DENND1A: variants seen among roughly 807,000 people sequenced by gnomAD.
DENND1A encodes the protein DENN domain-containing protein 1A.
In DENND1A, 51 loss-of-function variants were observed where a neutral mutation model predicts 113.7. That is an observed-to-expected ratio of 0.45 (90% CI 0.36 to 0.57). The LOEUF (loss-of-function observed/expected upper bound fraction) is 0.57, where lower values mean the gene tolerates loss of function less well. Ranked by LOEUF, DENND1A falls within the 20% of genes least tolerant of loss-of-function variation. The probability of loss-of-function intolerance (pLI) is 0.00; values close to 1 mark genes in which losing one functional copy is unlikely to be tolerated. For missense variants in DENND1A, 1,258 were observed against 1,395.9 expected (o/e 0.90, Z 1.57); for synonymous variants, 565 against 570.8 (o/e 0.99, Z 0.14).
intron 19 of DENND1A, among the ~76,000 whole-genome samples, chr9:123,412,801 G>A (rs1017095276): frequency 1.2e-4 from 19 of 152,150 alleles, no homozygotes; most frequent in African/African-American, 3.4e-4. Context: ...GGAGGCTTCC[G>A]GTTGTTTCCT....
At chr9:123,462,492 G>C (rs1418012322) in intron 13 of DENND1A, among the ~76,000 whole-genome samples, 3 of 152,146 alleles carry the variant, frequency 2.0e-5, no homozygotes, top group Non-Finnish European at 1.5e-5. Flanking sequence ...GGACAGGAGA[G>C]TTCTCTTTAA....
intron 10 of DENND1A, among the ~76,000 whole-genome samples, chr9:123,629,539 T>C (rs1326873291): frequency 2.0e-5 from 3 of 152,244 alleles, no homozygotes; most frequent in Non-Finnish European, 2.9e-5. Flanking sequence ...GGTCCTTTCA[T>C]ATGTTATCTT....
intron 13 of DENND1A, among the ~76,000 whole-genome samples, chr9:123,512,072 C>T (rs762436516): frequency 1.3e-5 from 2 of 152,136 alleles, no homozygotes; most frequent in Non-Finnish European, 2.9e-5. Flanking sequence ...AAGCTCCAAA[C>T]AAGAACCAGC....
chr9:123,753,352 AG>A (rs1449587572), intron 5 of DENND1A, among the ~76,000 whole-genome samples: 1 of 152,246 alleles, frequency 6.6e-6, no homozygotes, highest in Non-Finnish European at 1.5e-5. Flanking sequence ...CCTAATAAGT[AG>A]GTTATGTTGC....
At chr9:123,404,451 C>T (rs71511573) in intron 20 of DENND1A, among the ~76,000 whole-genome samples, 16,970 of 152,286 alleles carry the variant, frequency 0.11, 1,089 homozygotes, top group African/African-American at 0.17. Context: ...TAAAAACAAC[C>T]GAGCCTGCCG....
chr9:123,434,434 A>G (rs920527840), intron 19 of DENND1A, among the ~76,000 whole-genome samples: 2 of 152,266 alleles, frequency 1.3e-5, no homozygotes, highest in African/African-American at 4.8e-5. Flanking sequence ...AAGCATAGCA[A>G]CAGAAATGAA....
In DENND1A at chr9:123,658,486, G is replaced by A. The variant is rs535515414; in HGVS notation, c.508-6363C>T. 2.6e-5 allele frequency among the ~76,000 whole-genome samples: 4 copies of A among 152,252 alleles called. No homozygotes were observed. The South Asian group carries it at 6.2e-4, about 24-fold the overall frequency. On this transcript the variant is annotated intron_variant, in intron 8 of 23. Coordinates refer to ENST00000394215, the MANE Select transcript of DENND1A (RefSeq NM_001352964.2). ...CTTGATAGACAGAGAAAACCCTGATGAGCAATTACAGAGTGATAGTTTTTC... is the reference window on the plus strand; with the variant it reads ...CTTGATAGACAGAGAAAACCCTGATAAGCAATTACAGAGTGATAGTTTTTC...
At chr9:123,758,134 C>T (rs964971007) in intron 4 of DENND1A, among the ~76,000 whole-genome samples, 1 of 152,176 alleles carries the variant, frequency 6.6e-6, no homozygotes, top group Admixed American at 6.5e-5. Context: ...CTCTATTAAC[C>T]TCATTTTGCT....
intron 2 of DENND1A, among the ~76,000 whole-genome samples, chr9:123,854,090 A>T (rs1296242166): frequency 6.6e-6 from 1 of 152,254 alleles, no homozygotes; most frequent in Non-Finnish European, 1.5e-5. Flanking sequence ...AATATTAGGC[A>T]GCAATAACTG....
chr9:123,794,590 A>C (rs1039661871), intron 2 of DENND1A, among the ~76,000 whole-genome samples: 3 of 152,220 alleles, frequency 2.0e-5, no homozygotes, highest in African/African-American at 7.2e-5. Context: ...AATACCCATG[A>C]AAACAAAACC....
intron 13 of DENND1A, among the ~76,000 whole-genome samples, chr9:123,478,891 G>A (rs2050122789): frequency 1.3e-5 from 2 of 152,212 alleles, no homozygotes; most frequent in Non-Finnish European, 2.9e-5. Context: ...CACCAAATGA[G>A]ACTTCGTGTT....
At chr9:123,474,241 C>T (rs1256207798) in intron 13 of DENND1A, among the ~76,000 whole-genome samples, 7 of 152,014 alleles carry the variant, frequency 4.6e-5, no homozygotes, top group African/African-American at 4.8e-5. Flanking sequence ...GTGATCCACC[C>T]GCCTCGGCCT....
intron 11 of DENND1A, among the ~76,000 whole-genome samples, chr9:123,595,786 A>G (rs74835005): frequency 0.024 from 3,592 of 152,226 alleles, 49 homozygotes; most frequent in Non-Finnish European, 0.033. Flanking sequence ...TCCACCATCA[A>G]GCAGACGCTC....
chr9:123,886,573 AT>A (rs1465523144), intron 1 of DENND1A, among the ~76,000 whole-genome samples: 14 of 152,348 alleles, frequency 9.2e-5, no homozygotes, highest in Admixed American at 4.6e-4. Flanking sequence ...AAGAAACTGT[AT>A]ACACTTCAGA....
At chr9:123,873,587 G>A (rs1033905452) in intron 2 of DENND1A, among the ~76,000 whole-genome samples, 3 of 152,148 alleles carry the variant, frequency 2.0e-5, no homozygotes, top group African/African-American at 7.2e-5. Context: ...TACAGACATA[G>A]CATATTGTAG....
chr9:123,666,920 AT>A, intron 8 of DENND1A, 105 bp downstream of exon 8: 2 of 1,134,038 alleles, frequency 1.8e-6, no homozygotes, highest in Non-Finnish European at 2.4e-6. Context: ...AAAAACCATA[AT>A]TTTTATAATG....
chr9:123,756,911 G>A (rs143812189), intron 5 of DENND1A, among the ~76,000 whole-genome samples: 1 of 152,286 alleles, frequency 6.6e-6, no homozygotes, highest in African/African-American at 2.4e-5. Context: ...ACCTCCTGCT[G>A]CTGTGCCCTG....
chr9:123,497,742 T>C (rs904254911), intron 13 of DENND1A, among the ~76,000 whole-genome samples: 3 of 151,416 alleles, frequency 2.0e-5, no homozygotes, highest in Admixed American at 6.6e-5. Context: ...TCCTCATCTA[T>C]CTTCTGTTTC....
intron 5 of DENND1A, among the ~76,000 whole-genome samples, chr9:123,744,904 T>C (rs1210430843): frequency 6.6e-6 from 1 of 151,422 alleles, no homozygotes; most frequent in Non-Finnish European, 1.5e-5. Context: ...GTCTCCCGAG[T>C]AGCTGGGATT....
Sources: gnomAD v4.1 joint callset for allele counts (sites outside exome capture counted in the v4.1 genomes callset) on GRCh38, gnomAD v4.1.1 for gene constraint, MANE v1.5 for transcripts, NCBI Gene and HGNC (gene_info 2026-07-23, HGNC 2026-07-21) for gene names.